CSMD1: variants seen among roughly 807,000 people sequenced by gnomAD.
CSMD1 encodes the protein CUB and Sushi multiple domains 1.
A neutral mutation model predicts 417.5 loss-of-function variants in CSMD1; 213 were observed. The ratio of observed to expected loss-of-function variants is 0.51; its 90% CI spans 0.46 to 0.57. CSMD1 has a LOEUF of 0.57. Among genes scored for constraint, CSMD1 ranks in the 20% least tolerant of loss-of-function variants. The probability of loss-of-function intolerance (pLI) is 0.00; values close to 1 mark genes in which losing one functional copy is unlikely to be tolerated. For missense variants in CSMD1, 6,923 were observed against 4,529.7 expected (o/e 1.53, Z -15.17); for synonymous variants, 2,862 against 1,736.8 (o/e 1.65, Z -16.11).
In CSMD1 at chr8:3,035,095, T is replaced by C. The variant is rs184385034; in HGVS notation, c.7661-5582A>G. The stretch of plus-strand genomic sequence containing the variant: ...GGCAACACGAAACAGCCTGAGTACC[T>C]CTGTGCTGACATTTTTAAAGAAAAC... On this transcript the variant is annotated intron_variant, in intron 50 of 69. Transcript: ENST00000635120. 4.4e-4 allele frequency among the ~76,000 whole-genome samples: 67 copies of C among 152,230 alleles called. No homozygotes were observed. The East Asian group carries it at 0.011, about 24-fold the overall frequency.
chr8:3,989,296 A>G (rs1814566519), intron 5 of CSMD1, among the ~76,000 whole-genome samples: 1 of 152,228 alleles, frequency 6.6e-6, no homozygotes. Context: ...AACCAAGACT[A>G]CAGCCTAAGT....
At chr8:4,956,895 C>T (rs1320138141) in intron 1 of CSMD1, among the ~76,000 whole-genome samples, 2 of 152,166 alleles carry the variant, frequency 1.3e-5, no homozygotes, top group Admixed American at 6.5e-5. Flanking sequence ...CAATCCCCAA[C>T]CAGGCGCTCT....
chr8:3,227,647 AT>A (rs1361535478), intron 27 of CSMD1, among the ~76,000 whole-genome samples: 2 of 152,192 alleles, frequency 1.3e-5, no homozygotes, highest in African/African-American at 4.8e-5. Context: ...TTCTAAAAAG[AT>A]TTAGTCACTA....
chr8:3,012,958 A>C (rs1213676135), intron 52 of CSMD1, among the ~76,000 whole-genome samples: 1 of 152,182 alleles, frequency 6.6e-6, no homozygotes, highest in Non-Finnish European at 1.5e-5. Flanking sequence ...CAATGGTCTC[A>C]TAAAGGGGAG....
intron 6 of CSMD1, among the ~76,000 whole-genome samples, chr8:3,743,776 TAA>T (rs1235128062): frequency 6.6e-6 from 1 of 152,214 alleles, no homozygotes; most frequent in Admixed American, 6.5e-5. Context: ...TGTAAATTGA[TAA>T]GTTTATCTTT....
chr8:3,695,803 G>T (rs1800521175), intron 7 of CSMD1, among the ~76,000 whole-genome samples: 2 of 152,144 alleles, frequency 1.3e-5, no homozygotes, highest in South Asian at 4.1e-4. Flanking sequence ...AAATCAACCA[G>T]CAAACACTTT....
intron 3 of CSMD1, among the ~76,000 whole-genome samples, chr8:4,046,427 G>A (rs745794380): frequency 2.0e-5 from 3 of 152,122 alleles, no homozygotes; most frequent in Non-Finnish European, 2.9e-5. Context: ...AAACCTAAAT[G>A]TGCTTTCTGT....
intron 3 of CSMD1, among the ~76,000 whole-genome samples, chr8:4,091,952 G>C (rs1484745189): frequency 6.6e-6 from 1 of 152,128 alleles, no homozygotes; most frequent in Non-Finnish European, 1.5e-5. Context: ...TTGAGGAAAA[G>C]GGACTCACGT....
At chr8:3,189,146 T>C in intron 34 of CSMD1, 135 bp from the exon 35 acceptor site, 1 of 727,548 alleles carries the variant, frequency 1.4e-6, no homozygotes, top group Non-Finnish European at 2.1e-6. Flanking sequence ...ACGGCACTTT[T>C]AGCCAAGGTA....
chr8:4,660,024 G>C (rs918263954), intron 1 of CSMD1, among the ~76,000 whole-genome samples: 3 of 150,322 alleles, frequency 2.0e-5, no homozygotes, highest in Non-Finnish European at 4.4e-5. Context: ...ATACTTAATA[G>C]TGAAAGGCTC....
At chr8:4,100,092 C>G (rs369434045) in intron 3 of CSMD1, among the ~76,000 whole-genome samples, 2 of 152,138 alleles carry the variant, frequency 1.3e-5, no homozygotes, top group East Asian at 1.9e-4. Flanking sequence ...ATCCAGACTC[C>G]TACTCACTGG....
intron 59 of CSMD1, among the ~76,000 whole-genome samples, chr8:2,963,685 G>T (rs1039040145): frequency 6.6e-6 from 1 of 152,148 alleles, no homozygotes; most frequent in African/African-American, 2.4e-5. Flanking sequence ...AGGAAGAAAC[G>T]TTCTTGCTTA....
intron 2 of CSMD1, among the ~76,000 whole-genome samples, chr8:4,461,785 G>C (rs1337042504): frequency 1.3e-4 from 18 of 141,220 alleles, no homozygotes; most frequent in African/African-American, 4.8e-4. Flanking sequence ...CTGTCACCCA[G>C]GCTGGAGTGC....
At chr8:3,791,712 A>C in intron 5 of CSMD1, among the ~76,000 whole-genome samples, 1 of 152,124 alleles carries the variant, frequency 6.6e-6, no homozygotes, top group East Asian at 1.9e-4. Flanking sequence ...AATCCCAGCA[A>C]CTCAGGAGGC....
chr8:3,618,897 G>T (rs10107576), intron 7 of CSMD1, among the ~76,000 whole-genome samples: 1 of 152,100 alleles, frequency 6.6e-6, no homozygotes, highest in Non-Finnish European at 1.5e-5. Flanking sequence ...AGAGAAAGTG[G>T]CTGGCAGCAC....
intron 1 of CSMD1, among the ~76,000 whole-genome samples, chr8:4,791,183 C>T (rs1052548055): frequency 6.6e-6 from 1 of 152,048 alleles, no homozygotes; most frequent in Admixed American, 6.5e-5. Flanking sequence ...AGAAAACAGA[C>T]CACTGGTCTT....
intron 54 of CSMD1, among the ~76,000 whole-genome samples, chr8:2,992,192 C>A (rs1806449011): frequency 1.1e-5 from 1 of 91,812 alleles, no homozygotes; most frequent in Non-Finnish European, 2.0e-5. Flanking sequence ...CACACACATG[C>A]ACACATACAT....
intron 3 of CSMD1, among the ~76,000 whole-genome samples, chr8:4,197,426 G>C (rs1799402564): frequency 6.6e-6 from 1 of 152,172 alleles, no homozygotes; most frequent in African/African-American, 2.4e-5. Flanking sequence ...AATGAGTAAA[G>C]CAGATTTCCT....
chr8:3,303,371 G>C (rs555332401), intron 25 of CSMD1, among the ~76,000 whole-genome samples: 4 of 152,268 alleles, frequency 2.6e-5, no homozygotes, highest in East Asian at 3.9e-4. Flanking sequence ...GATGCCACTA[G>C]AAAGAAAATC....
Sources: gnomAD v4.1 joint callset for allele counts (sites outside exome capture counted in the v4.1 genomes callset) on GRCh38, gnomAD v4.1.1 for gene constraint, MANE v1.5 for transcripts, NCBI Gene and HGNC (gene_info 2026-07-23, HGNC 2026-07-21) for gene names.